TPCN1: variants seen among roughly 807,000 people sequenced by gnomAD.
TPCN1 encodes two pore segment channel 1, also known as two pore channel protein 1.
In TPCN1, 52 loss-of-function variants were observed where a neutral mutation model predicts 108.8. That is an observed-to-expected ratio of 0.48 (90% CI 0.38 to 0.60). The LOEUF is 0.60. TPCN1 is among the 20% of genes least tolerant of loss of function. The probability of loss-of-function intolerance (pLI) is 0.00; values close to 1 mark genes in which losing one functional copy is unlikely to be tolerated. For synonymous variants in TPCN1, 446 were observed against 433.7 expected (o/e 1.03, Z -0.35); for missense variants, 806 against 1,072.8 (o/e 0.75, Z 3.47).
At chr12:113,224,811 C>T (rs537309810) in intron 1 of TPCN1, among the ~76,000 whole-genome samples, 3 of 151,710 alleles carry the variant, frequency 2.0e-5, no homozygotes, top group Non-Finnish European at 4.4e-5. Context: ...CAGTGCAGTG[C>T]ACCATCTCGG....
At position 113,260,349 on chromosome 12, in the gene TPCN1, C is replaced by T. The variant is rs146799844; in HGVS notation, c.113-19C>T. The stretch of plus-strand genomic sequence containing the variant: ...TTAAGCCTGGGTGCCAAGTGAATCT[C>T]TCTCCTCTTCCAATGCAGATGGCGG... On this transcript the variant is annotated intron_variant, in intron 2 of 27. Coordinates refer to ENST00000335509, the MANE Select transcript of TPCN1 (RefSeq NM_017901.6). 1.0e-4 allele frequency: 153 copies of T among 1,483,236 alleles called. No individual in the cohort carries two copies. In the African/African-American group the frequency reaches 2.1e-3, roughly 20 times the overall value. The allele number at this position is 1,483,236 out of a possible 1,614,324, so 91.9% of individuals were successfully genotyped here. A position where few individuals can be genotyped will look rare whatever the true frequency, so the allele number is the denominator to read the frequency against.
chr12:113,281,899 C>G (rs1215435936), intron 15 of TPCN1, among the ~76,000 whole-genome samples: 2 of 148,466 alleles, frequency 1.3e-5, no homozygotes, highest in Admixed American at 1.3e-4. Context: ...CAACTGGATA[C>G]ACATTTGGAT....
chr12:113,272,668 G>T lies in TPCN1; in HGVS notation c.759G>T (p.Leu253Phe), dbSNP rs774865620. ...TCCACCCACTTCTAGGTTTCTACTT[G>T]TTCTCCCCTAACCCTTCAGACCCCG... is the stretch of plus-strand genomic sequence containing the variant. ...MIIFAILGFY[L>F]FSPNPSDPYF... is the part of the protein sequence containing the mutation. Residue 253 changes from leucine (L) to phenylalanine (F), a missense_variant, in exon 8 of 28, where the codon TTG (leucine) becomes TTT (phenylalanine). Transcript: ENST00000335509. The surrounding 1 kb of genome is among the most constrained non-coding windows in gnomAD (Gnocchi z 4.1). 6.2e-7 allele frequency: 1 copy of T among 1,613,900 alleles called. No individual in the cohort carries two copies. The highest frequency in any genetic ancestry group is 1.1e-5 in the South Asian group (1 of 91,074).
rs772427917 is a variant in TPCN1, at chr12:113,226,791, T to A, written c.-62T>A. 6.2e-7 allele frequency: 1 copy of A among 1,609,556 alleles called. No individual in the cohort carries two copies. The highest frequency in any genetic ancestry group is 1.1e-5 in the South Asian group (1 of 90,234). ...TGGCCCAGTGGCTTTGAAAGGGAGCTCAAACCAGAGACTATTTCAAGCCCT... is the reference window on the plus strand; with the variant it reads ...TGGCCCAGTGGCTTTGAAAGGGAGCACAAACCAGAGACTATTTCAAGCCCT... On this transcript the variant is annotated 5_prime_UTR_variant, in exon 2 of 28. Transcript: ENST00000335509.
chr12:113,264,858 AGAC>A (rs1955190982), intron 3 of TPCN1, among the ~76,000 whole-genome samples: 1 of 152,054 alleles, frequency 6.6e-6, no homozygotes, highest in Non-Finnish European at 1.5e-5. Context: ...ATTTTTTTGG[AGAC>A]GGGGCCCAGG....
At chr12:113,292,041 A>G in intron 25 of TPCN1, 83 bp downstream of exon 25, 1 of 1,204,320 alleles carries the variant, frequency 8.3e-7, no homozygotes, top group South Asian at 1.2e-5. Context: ...CTGTCCAGCC[A>G]GCCATCAGGC....
At chr12:113,277,638 T>C (rs760277599) in intron 12 of TPCN1, among the ~76,000 whole-genome samples, 2 of 152,024 alleles carry the variant, frequency 1.3e-5, no homozygotes, top group African/African-American at 2.4e-5. Context: ...GAACCCCCAG[T>C]GGGGTGGGAT....
chr12:113,291,300 C>G (rs1318793377), intron 23 of TPCN1, among the ~76,000 whole-genome samples: 1 of 152,226 alleles, frequency 6.6e-6, no homozygotes, highest in African/African-American at 2.4e-5. Flanking sequence ...ACTTTTCCCT[C>G]TAGTGACAAA....
In TPCN1 at chr12:113,288,182, C is replaced by G. The variant is rs573134167; in HGVS notation, c.1654C>G (p.Arg552Gly). 2 of 1,613,640 alleles carry G rather than the reference C, an allele frequency of 1.2e-6. No individual in the cohort carries two copies. Among genetic ancestry groups the G allele is most frequent in the Non-Finnish European group, 1.7e-6 (2 of 1,179,758 alleles). Reference protein sequence around the residue: ...QLLRLFKLKERYRNVLDTMFE... With the variant: ...QLLRLFKLKEGYRNVLDTMFE... The stretch of plus-strand genomic sequence containing the variant: ...GCTCAGGTTGTTTAAGTTGAAGGAG[C>G]GCTACCGCAACGTGCTGGACACCAT... Residue 552 changes from arginine (R) to glycine (G), a missense_variant, in exon 20 of 28, where the codon CGC becomes GGC. Coordinates refer to ENST00000335509, the MANE Select transcript of TPCN1 (RefSeq NM_017901.6). The surrounding 1 kb of genome is among the most constrained non-coding windows in gnomAD (Gnocchi z 4.8).
intron 3 of TPCN1, among the ~76,000 whole-genome samples, chr12:113,261,412 C>CTTTTTTTTGTT (rs1955026782): frequency 1.1e-5 from 1 of 87,496 alleles, no homozygotes; most frequent in African/African-American, 4.7e-5. Context: ...ATAGCATAAG[C>CTTTTTTTTGTT]TTTTTTTTTT....
Position 113,221,565 on chromosome 12 carries a change from C to A in TPCN1, c.-187C>A, listed in dbSNP as rs913137589. On this transcript the variant is annotated 5_prime_UTR_variant, in exon 1 of 28. Transcript: ENST00000335509. Reference sequence around the variant, plus strand: ...GGGCTCGGGGTTTTGGCGGCGGCGCCGGCGGGCTAGGCTGCGCGGTGCGGA... The same window carrying A: ...GGGCTCGGGGTTTTGGCGGCGGCGCAGGCGGGCTAGGCTGCGCGGTGCGGA... 1.7e-4 allele frequency: 45 copies of A among 265,144 alleles called. No homozygotes were observed. Among genetic ancestry groups the A allele is most frequent in the Non-Finnish European group, 3.2e-4 (42 of 132,804 alleles). The allele number at this position is 265,144 out of a possible 1,614,324, so 16.4% of individuals were successfully genotyped here.
intron 2 of TPCN1, among the ~76,000 whole-genome samples, chr12:113,242,633 C>T (rs1185805923): frequency 1.3e-5 from 2 of 152,220 alleles, no homozygotes; most frequent in Non-Finnish European, 2.9e-5. Flanking sequence ...TCATCCTGGT[C>T]ACTGGTCTCT....
At position 113,273,706 on chromosome 12, in the gene TPCN1, G is replaced by A. The variant is rs1228729554; in HGVS notation, c.942+38G>A. 1.3e-6 allele frequency: 2 copies of A among 1,519,298 alleles called. No homozygotes were observed. Among genetic ancestry groups the A allele is most frequent in the Non-Finnish European group, 1.8e-6 (2 of 1,094,956 alleles). The allele number at this position is 1,519,298 out of a possible 1,614,324, so 94.1% of individuals were successfully genotyped here. Reference sequence around the variant, plus strand: ...GCCTCAGGCTACGCTGAAGCAGCCTGCCCCTACCCATGCAGCACTAGGCAC... The same window carrying A: ...GCCTCAGGCTACGCTGAAGCAGCCTACCCCTACCCATGCAGCACTAGGCAC... On this transcript the variant is annotated intron_variant, in intron 10 of 27. Coordinates refer to ENST00000335509, the MANE Select transcript of TPCN1 (RefSeq NM_017901.6). The surrounding 1 kb of genome is among the most constrained non-coding windows in gnomAD (Gnocchi z 4.0).
At chr12:113,229,053 T>A (rs1953578475) in intron 2 of TPCN1, among the ~76,000 whole-genome samples, 2 of 152,222 alleles carry the variant, frequency 1.3e-5, no homozygotes, top group Admixed American at 6.5e-5. Context: ...AACCCAGTCC[T>A]GTGTCAAGAT....
chr12:113,280,271 A>G lies in TPCN1; in HGVS notation c.1342+76A>G, dbSNP rs1218341836. On this transcript the variant is annotated intron_variant, in intron 15 of 27. Coordinates refer to ENST00000335509, the MANE Select transcript of TPCN1 (RefSeq NM_017901.6). ...CTGTTCTAGAAGCGGGAGAGGCAAGAGATTGGTCCTAGAGTCCTGTGTTTG... is the reference window on the plus strand; with the variant it reads ...CTGTTCTAGAAGCGGGAGAGGCAAGGGATTGGTCCTAGAGTCCTGTGTTTG... The G allele has an allele frequency of 2.4e-6, 3 of 1,266,400 alleles. No homozygotes were observed. The East Asian group carries it at 7.0e-5, about 30-fold the overall frequency. The allele number at this position is 1,266,400 out of a possible 1,614,324, so 78.4% of individuals were successfully genotyped here.
At chr12:113,258,641 C>T (rs530749015) in intron 2 of TPCN1, among the ~76,000 whole-genome samples, 25 of 152,040 alleles carry the variant, frequency 1.6e-4, no homozygotes, top group African/African-American at 2.9e-4. Flanking sequence ...ATTAGCCAGG[C>T]GTGATGGTGC....
At chr12:113,278,320 C>T (rs1049116351) in intron 13 of TPCN1, 83 bp downstream of exon 13, 40 of 1,235,076 alleles carry the variant, frequency 3.2e-5, no homozygotes, top group Non-Finnish European at 1.7e-5. Flanking sequence ...ACCCCGAGAT[C>T]CAGCTCTCTC....
At chr12:113,263,878 G>A (rs1020151495) in intron 3 of TPCN1, among the ~76,000 whole-genome samples, 8 of 152,140 alleles carry the variant, frequency 5.3e-5, no homozygotes, top group South Asian at 2.1e-4. Context: ...AAACAGGGCC[G>A]ATATTCTCTG....
intron 2 of TPCN1, among the ~76,000 whole-genome samples, chr12:113,233,461 A>G (rs962935749): frequency 3.9e-5 from 6 of 152,194 alleles, no homozygotes; most frequent in Non-Finnish European, 7.4e-5. Flanking sequence ...GGAGGTTTCA[A>G]ATGACAGCAA....
Sources: allele counts gnomAD v4.1 joint callset (sites outside exome capture counted in the v4.1 genomes callset), GRCh38; gene constraint gnomAD v4.1.1; non-coding constraint Gnocchi (gnomAD v3.1); transcripts MANE v1.5; gene names NCBI Gene and HGNC (gene_info 2026-07-23, HGNC 2026-07-21).